The following DCDC1 variants were observed in gnomAD, a reference collection of about 807,000 sequenced individuals.
DCDC1 encodes doublecortin domain-containing protein 1.
Under a neutral mutation model 178.3 loss-of-function variants are expected in DCDC1, and 200 were observed. That is an observed-to-expected ratio of 1.12 (90% CI 1.00 to 1.26). The LOEUF (loss-of-function observed/expected upper bound fraction) is 1.26. DCDC1 is among the 50% of genes most tolerant of loss of function. The pLI is 0.00. For synonymous variants in DCDC1, 690 were observed against 604.8 expected, an observed-to-expected ratio of 1.14 and a Z score of -2.07; for missense variants, 1,983 against 1,749.2, an observed-to-expected ratio of 1.13 and a Z score of -2.38.
At chr11:31,096,042 C>A (rs1268789243) in intron 15 of DCDC1, among the ~76,000 whole-genome samples, 1 of 151,776 alleles carries the variant, frequency 6.6e-6, no homozygotes, top group East Asian at 1.9e-4. Flanking sequence ...TGCACAAATT[C>A]AATGATGATT....
chr11:30,868,320 G>A (rs1229772932), intron 38 of DCDC1, among the ~76,000 whole-genome samples: 7 of 139,692 alleles, frequency 5.0e-5, no homozygotes, highest in Admixed American at 7.6e-5. Context: ...GTGTGATCTC[G>A]GCTCACTGCA....
In DCDC1 at chr11:31,264,272, C is replaced by T. The variant is rs1176870280; in HGVS notation, c.1054+1235G>A. On this transcript the variant is annotated intron_variant, in intron 8 of 38. Transcript: ENST00000684477. ...GTGATATAGGATTCATTCAAAAATC[C>T]AAGTACTATTTATTGAGTGCCTGTT... 2.6e-5 allele frequency among the ~76,000 whole-genome samples: 4 copies of T among 152,120 alleles called. No individual in the cohort carries two copies. In the East Asian group the frequency reaches 7.7e-4, roughly 29 times the overall value.
intron 21 of DCDC1, among the ~76,000 whole-genome samples, chr11:30,948,316 C>T: frequency 6.6e-6 from 1 of 152,108 alleles, no homozygotes; most frequent in East Asian, 1.9e-4. Context: ...AGGACCTCTT[C>T]AAGGAGAACT....
At chr11:31,219,985 C>T (rs979896335) in intron 9 of DCDC1, among the ~76,000 whole-genome samples, 1 of 152,162 alleles carries the variant, frequency 6.6e-6, no homozygotes, top group African/African-American at 2.4e-5. Context: ...GCCCCCACAC[C>T]TGAAACAGTA....
At chr11:30,868,667 C>CT (rs1941247744) in intron 38 of DCDC1, among the ~76,000 whole-genome samples, 2 of 152,120 alleles carry the variant, frequency 1.3e-5, no homozygotes. Flanking sequence ...AGCAGTGACT[C>CT]TTGTTTGGAA....
At chr11:31,202,397 C>T (rs930145381) in intron 9 of DCDC1, among the ~76,000 whole-genome samples, 9 of 149,804 alleles carry the variant, frequency 6.0e-5, no homozygotes, top group East Asian at 1.9e-4. Flanking sequence ...ACCTCATCTC[C>T]GCAAAAAAAA....
chr11:31,115,981 T>TGGGGGGG (rs548179744), intron 11 of DCDC1, among the ~76,000 whole-genome samples: 4 of 38,108 alleles, frequency 1.0e-4, no homozygotes, highest in African/African-American at 1.9e-4. Flanking sequence ...GCTGTGGCAG[T>TGGGGGGG]GGGGGGGGGG....
intron 3 of DCDC1, among the ~76,000 whole-genome samples, chr11:31,313,943 T>C (rs78436366): frequency 0.02 from 3,121 of 152,302 alleles, 96 homozygotes; most frequent in African/African-American, 0.07. Context: ...AGATTGATCA[T>C]CTTGTCCTGG....
chr11:31,003,885 T>A (rs1951702215), intron 20 of DCDC1, among the ~76,000 whole-genome samples: 1 of 152,244 alleles, frequency 6.6e-6, no homozygotes, highest in Admixed American at 6.5e-5. Context: ...GCAAGAGGAA[T>A]TTTCAAGAAT....
chr11:31,065,218 A>C, intron 18 of DCDC1, 65 bp from the exon 19 acceptor site: 1 of 604,796 alleles, frequency 1.7e-6, no homozygotes, highest in Non-Finnish European at 3.0e-6. Flanking sequence ...AATCCATCCA[A>C]CTGGAAAGAG....
chr11:31,096,286 T>TGATAAACTAC (rs1405272896), intron 15 of DCDC1, among the ~76,000 whole-genome samples: 2 of 152,202 alleles, frequency 1.3e-5, no homozygotes, highest in African/African-American at 4.8e-5. Context: ...TTCTGAACAA[T>TGATAAACTAC]GATAAACTAC....
intron 20 of DCDC1, among the ~76,000 whole-genome samples, chr11:31,063,629 A>T (rs1956081545): frequency 6.6e-6 from 1 of 152,166 alleles, no homozygotes; most frequent in South Asian, 2.1e-4. Flanking sequence ...TGATAATCCC[A>T]TCACTTTGGG....
intron 9 of DCDC1, among the ~76,000 whole-genome samples, chr11:31,178,225 T>C (rs1968328098): frequency 6.6e-6 from 1 of 152,144 alleles, no homozygotes; most frequent in South Asian, 2.1e-4. Context: ...AGAGAGCCCA[T>C]AAATAAATTC....
intron 9 of DCDC1, among the ~76,000 whole-genome samples, chr11:31,152,634 C>T (rs980943113): frequency 3.3e-5 from 5 of 152,168 alleles, no homozygotes; most frequent in African/African-American, 1.2e-4. Flanking sequence ...ATTCACAGCT[C>T]GAGCACATCA....
chr11:30,907,086 C>T (rs1443438114), intron 29 of DCDC1, among the ~76,000 whole-genome samples: 2 of 152,106 alleles, frequency 1.3e-5, no homozygotes, highest in Non-Finnish European at 2.9e-5. Flanking sequence ...CAGGAGCCAA[C>T]ATGAAGGAGC....
intron 9 of DCDC1, among the ~76,000 whole-genome samples, chr11:31,233,338 G>A (rs7928539): frequency 0.011 from 1,654 of 152,158 alleles, 30 homozygotes; most frequent in African/African-American, 0.038. Flanking sequence ...CTTCACATGG[G>A]TATGCTTTGT....
At chr11:31,126,565 A>G (rs1481527982) in intron 11 of DCDC1, among the ~76,000 whole-genome samples, 1 of 152,194 alleles carries the variant, frequency 6.6e-6, no homozygotes, top group Non-Finnish European at 1.5e-5. Flanking sequence ...AATATTAAGA[A>G]AGAGGAATTG....
intron 6 of DCDC1, among the ~76,000 whole-genome samples, chr11:31,302,651 A>G (rs926875588): frequency 2.0e-5 from 3 of 152,180 alleles, no homozygotes; most frequent in Non-Finnish European, 2.9e-5. Flanking sequence ...GTCAGTCTTG[A>G]CCTTGGCCTG....
At chr11:31,349,562 C>T (rs16922084) in intron 1 of DCDC1, among the ~76,000 whole-genome samples, 107,381 of 152,140 alleles carry the variant, frequency 0.71, 39,356 homozygotes, top group African/African-American at 0.9. Context: ...CTGAAGTTAT[C>T]ACAGAAATGC....
Sources: gnomAD v4.1 joint callset for allele counts (sites outside exome capture counted in the v4.1 genomes callset) on GRCh38, gnomAD v4.1.1 for gene constraint, MANE v1.5 for transcripts, NCBI Gene and HGNC (gene_info 2026-07-23, HGNC 2026-07-21) for gene names.